Variants in ADAMTS16 observed in about 807,000 individuals in gnomAD.
The protein encoded by ADAMTS16 is ADAM metallopeptidase with thrombospondin type 1 motif 16, also known as A disintegrin and metalloproteinase with thrombospondin motifs 16.
ADAMTS16 carries 94 observed loss-of-function variants against 145.8 expected under a neutral mutation model. That is an observed-to-expected ratio of 0.64 (90% CI 0.55 to 0.77). The LOEUF is 0.77. Among genes scored for constraint, ADAMTS16 ranks in the 30% least tolerant of loss-of-function variants. The pLI is 0.00. For missense variants in ADAMTS16, 1,585 were observed against 1,591.5 expected (o/e 1.00, Z 0.07); for synonymous variants, 659 against 604.3 (o/e 1.09, Z -1.33).
In ADAMTS16 at chr5:5,279,650, G is replaced by A. The variant is rs541494499; in HGVS notation, c.2789+16867G>A. On this transcript the variant is annotated intron_variant, in intron 18 of 22. Transcript: ENST00000274181. ...ATGTTCTTGTGTTTTCTTTTCAGAT[G>A]TCCATCTCTTTGTCTTTTTATCTTG... Among the ~76,000 whole-genome samples the A allele has an allele frequency of 9.4e-5, 13 of 137,830 alleles. No individual in the cohort carries two copies. In the South Asian group the frequency reaches 2.5e-3, roughly 27 times the overall value. The allele number at this position is 137,830 out of a possible 152,430, so 90.4% of individuals were successfully genotyped here.
At chr5:5,264,781 G>T (rs1305754687) in intron 18 of ADAMTS16, among the ~76,000 whole-genome samples, 1 of 151,932 alleles carries the variant, frequency 6.6e-6, no homozygotes, top group Non-Finnish European at 1.5e-5. Flanking sequence ...GCTATCAAGA[G>T]AGAATTTACA....
At chr5:5,186,301 GGTGTGTGTGTGT>G (rs1553989063) in intron 5 of ADAMTS16, 50 bp downstream of exon 5, 3 of 987,390 alleles carry the variant, frequency 3.0e-6, no homozygotes, top group African/African-American at 3.5e-5. Flanking sequence ...CACTTCGTAG[GGTGTGTGTGTGT>G]GTGTGTGTGT....
chr5:5,215,802 ATATGTGTGG>A (rs1407675602), intron 10 of ADAMTS16, among the ~76,000 whole-genome samples: 1 of 129,674 alleles, frequency 7.7e-6, no homozygotes, highest in African/African-American at 2.9e-5. Context: ...TGTGGTATAT[ATATGTGTGG>A]TATATATATG....
intron 18 of ADAMTS16, among the ~76,000 whole-genome samples, chr5:5,300,222 G>A (rs1007616434): frequency 6.6e-6 from 1 of 152,146 alleles, no homozygotes; most frequent in Admixed American, 6.5e-5. Context: ...AGGATTGAGA[G>A]AGCAAATATA....
chr5:5,159,990 T>C (rs1053357076), intron 3 of ADAMTS16, among the ~76,000 whole-genome samples: 3 of 152,196 alleles, frequency 2.0e-5, no homozygotes, highest in Admixed American at 6.5e-5. Context: ...GTTGTTACTA[T>C]TCCCTTTGCA....
chr5:5,267,716 G>T (rs921331630), intron 18 of ADAMTS16, among the ~76,000 whole-genome samples: 2 of 152,170 alleles, frequency 1.3e-5, no homozygotes, highest in East Asian at 3.9e-4. Context: ...CCAGGATGGG[G>T]GCATAGTGGG....
intron 3 of ADAMTS16, among the ~76,000 whole-genome samples, chr5:5,164,681 T>A (rs1222151731): frequency 2.0e-5 from 3 of 152,098 alleles, no homozygotes; most frequent in African/African-American, 7.2e-5. Context: ...TTTTTCCTTT[T>A]TTTCTTTTTT....
intron 21 of ADAMTS16, among the ~76,000 whole-genome samples, chr5:5,309,110 A>ACATATACAGTCATCCCT (rs1740309075): frequency 6.6e-6 from 1 of 152,232 alleles, no homozygotes; most frequent in Non-Finnish European, 1.5e-5. Context: ...TGCATAAACC[A>ACATATACAGTCATCCCT]CATATACAGT....
intron 21 of ADAMTS16, among the ~76,000 whole-genome samples, chr5:5,307,792 C>A (rs1276380231): frequency 6.6e-6 from 1 of 152,184 alleles, no homozygotes; most frequent in Non-Finnish European, 1.5e-5. Context: ...ACAAGCTCAC[C>A]TGCTCGATGG....
At chr5:5,294,016 G>A (rs1006633760) in intron 18 of ADAMTS16, among the ~76,000 whole-genome samples, 1 of 152,222 alleles carries the variant, frequency 6.6e-6, no homozygotes, top group African/African-American at 2.4e-5. Flanking sequence ...CGTGCCCTGG[G>A]AAATGGGGAG....
intron 18 of ADAMTS16, among the ~76,000 whole-genome samples, chr5:5,281,888 C>G (rs11748587): frequency 0.97 from 148,185 of 152,346 alleles, 72,198 homozygotes; most frequent in East Asian, 1. Flanking sequence ...AGACACATAT[C>G]TGTGTGTGAT....
At chr5:5,153,759 C>T (rs1734530994) in intron 3 of ADAMTS16, among the ~76,000 whole-genome samples, 1 of 152,134 alleles carries the variant, frequency 6.6e-6, no homozygotes, top group Non-Finnish European at 1.5e-5. Context: ...TATAATCTGT[C>T]GACTGCCATT....
chr5:5,225,680 G>T (rs1169313317), intron 11 of ADAMTS16, among the ~76,000 whole-genome samples: 1 of 151,966 alleles, frequency 6.6e-6, no homozygotes, highest in Non-Finnish European at 1.5e-5. Context: ...GCCAGCAGTT[G>T]CATTCTTTGG....
chr5:5,212,632 T>A (rs1446003420), intron 10 of ADAMTS16, among the ~76,000 whole-genome samples: 1 of 152,188 alleles, frequency 6.6e-6, no homozygotes, highest in Non-Finnish European at 1.5e-5. Flanking sequence ...GCTCTTTGCA[T>A]GATCACTTTT....
chr5:5,151,615 A>G (rs944688608), intron 3 of ADAMTS16, among the ~76,000 whole-genome samples: 3 of 149,818 alleles, frequency 2.0e-5, no homozygotes, highest in African/African-American at 4.9e-5. Context: ...ACACGCACAC[A>G]CACACACAAT....
intron 3 of ADAMTS16, among the ~76,000 whole-genome samples, chr5:5,159,010 G>C (rs1333853038): frequency 1.3e-5 from 2 of 152,204 alleles, no homozygotes; most frequent in African/African-American, 4.8e-5. Flanking sequence ...AAAGGCTGGC[G>C]CTTCTCGTAA....
At chr5:5,300,499 AT>A (rs779797140) in intron 18 of ADAMTS16, among the ~76,000 whole-genome samples, 28 of 152,212 alleles carry the variant, frequency 1.8e-4, no homozygotes, top group Non-Finnish European at 1.2e-4. Context: ...GTGTACACAA[AT>A]TTACATTTTA....
intron 3 of ADAMTS16, among the ~76,000 whole-genome samples, chr5:5,160,049 C>T (rs1183692257): frequency 6.6e-6 from 1 of 152,088 alleles, no homozygotes; most frequent in African/African-American, 2.4e-5. Flanking sequence ...AGCTACTAAG[C>T]CAAAAAGAAG....
chr5:5,199,649 G>A (rs2126589952), intron 8 of ADAMTS16, among the ~76,000 whole-genome samples: 2 of 152,306 alleles, frequency 1.3e-5, no homozygotes, highest in East Asian at 3.9e-4. Flanking sequence ...TCAAATTGCA[G>A]TAAGCATCAA....
Sources: gnomAD v4.1 joint callset for allele counts (sites outside exome capture counted in the v4.1 genomes callset) on GRCh38, gnomAD v4.1.1 for gene constraint, MANE v1.5 for transcripts, NCBI Gene and HGNC (gene_info 2026-07-23, HGNC 2026-07-21) for gene names.